The following LRRTM4 variants were observed in gnomAD, a reference collection of about 807,000 sequenced individuals.
LRRTM4 encodes the protein leucine-rich repeat transmembrane neuronal protein 4.
Under a neutral mutation model 47.6 loss-of-function variants are expected in LRRTM4, and 25 were observed. The ratio of observed to expected loss-of-function variants is 0.53; its 90% CI spans 0.38 to 0.73. LRRTM4 has a LOEUF of 0.73. Ranked by LOEUF, LRRTM4 falls within the 30% of genes least tolerant of loss-of-function variation. The pLI is 0.00. For missense variants in LRRTM4, 638 were observed against 713.4 expected (o/e 0.89, Z 1.20); for synonymous variants, 311 against 269.5 (o/e 1.15, Z -1.51).
Position 77,392,313 on chromosome 2 carries a change from C to T in LRRTM4, c.1551+126005G>A, listed in dbSNP as rs559331141. Among the ~76,000 whole-genome samples, 40 of 151,980 alleles carry T rather than the reference C, an allele frequency of 2.6e-4. No homozygotes were observed. In the South Asian group the frequency reaches 8.1e-3, roughly 31 times the overall value. On this transcript the variant is annotated intron_variant, in intron 3 of 3. Transcript: ENST00000409884. ...CCCACCCATCCCACTTTGAGATTTCCCACTAAAATGTACAAAACTAAACTG... is the reference window on the plus strand; with the variant it reads ...CCCACCCATCCCACTTTGAGATTTCTCACTAAAATGTACAAAACTAAACTG...
At chr2:77,119,836 A>C (rs967379456) in intron 3 of LRRTM4, among the ~76,000 whole-genome samples, 3 of 151,820 alleles carry the variant, frequency 2.0e-5, no homozygotes, top group Admixed American at 6.6e-5. Context: ...TACTCTTTAG[A>C]TCTGACTGGA....
At chr2:77,473,410 A>T (rs981478937) in intron 3 of LRRTM4, among the ~76,000 whole-genome samples, 5 of 152,162 alleles carry the variant, frequency 3.3e-5, no homozygotes, top group Non-Finnish European at 7.4e-5. Flanking sequence ...AATATCACTC[A>T]GGCACAAGAG....
At chr2:76,948,910 A>G (rs1177607501) in intron 3 of LRRTM4, among the ~76,000 whole-genome samples, 1 of 151,982 alleles carries the variant, frequency 6.6e-6, no homozygotes, top group Non-Finnish European at 1.5e-5. Context: ...GGTGGATTTC[A>G]TTTAAATATT....
intron 3 of LRRTM4, among the ~76,000 whole-genome samples, chr2:77,476,214 G>A (rs575963021): frequency 2.6e-5 from 4 of 152,096 alleles, no homozygotes; most frequent in South Asian, 2.1e-4. Flanking sequence ...GCAAAAGCGT[G>A]TCTTCTTAGT....
chr2:76,981,121 T>C (rs899027991), intron 3 of LRRTM4, among the ~76,000 whole-genome samples: 5 of 152,114 alleles, frequency 3.3e-5, no homozygotes, highest in African/African-American at 1.2e-4. Flanking sequence ...ATATAATCAT[T>C]TATCTTGTTG....
intron 3 of LRRTM4, among the ~76,000 whole-genome samples, chr2:77,203,451 T>G (rs1355150511): frequency 6.6e-6 from 1 of 152,108 alleles, no homozygotes; most frequent in Non-Finnish European, 1.5e-5. Context: ...GTCACTGGGC[T>G]TGTTTACTAC....
intron 3 of LRRTM4, among the ~76,000 whole-genome samples, chr2:76,890,685 A>G (rs1181004106): frequency 1.3e-5 from 2 of 152,020 alleles, no homozygotes; most frequent in Non-Finnish European, 2.9e-5. Context: ...GCAGCCAACT[A>G]AACTTTCCAA....
intron 3 of LRRTM4, among the ~76,000 whole-genome samples, chr2:77,504,318 C>T (rs1678686458): frequency 6.6e-6 from 1 of 151,296 alleles, no homozygotes; most frequent in Non-Finnish European, 1.5e-5. Context: ...ACCATATGGC[C>T]CATAAAGTCT....
intron 3 of LRRTM4, among the ~76,000 whole-genome samples, chr2:77,291,696 T>C (rs1676827310): frequency 6.6e-6 from 1 of 152,120 alleles, no homozygotes; most frequent in Admixed American, 6.6e-5. Context: ...CCATGGTCTG[T>C]ATTTTTTTAT....
At chr2:77,052,179 A>G (rs549301253) in intron 3 of LRRTM4, among the ~76,000 whole-genome samples, 11 of 110,300 alleles carry the variant, frequency 1.0e-4, no homozygotes, top group Non-Finnish European at 1.5e-4. Context: ...TTTTTGAGAC[A>G]GAGTTTTGCT....
At chr2:77,503,037 A>G (rs1436894168) in intron 3 of LRRTM4, among the ~76,000 whole-genome samples, 1 of 151,032 alleles carries the variant, frequency 6.6e-6, no homozygotes, top group African/African-American at 2.4e-5. Context: ...GGGCCAGGTC[A>G]TTCAGGGTTT....
chr2:77,364,234 AG>A (rs1426839940), intron 3 of LRRTM4, among the ~76,000 whole-genome samples: 1 of 152,126 alleles, frequency 6.6e-6, no homozygotes, highest in Non-Finnish European at 1.5e-5. Context: ...GTGGCTTCTG[AG>A]CACATGAATG....
chr2:77,241,676 A>C (rs570729946), intron 3 of LRRTM4, among the ~76,000 whole-genome samples: 1 of 152,154 alleles, frequency 6.6e-6, no homozygotes. Context: ...AGACACAGAT[A>C]AGGGGATTAG....
intron 3 of LRRTM4, among the ~76,000 whole-genome samples, chr2:77,170,753 A>G (rs1673024342): frequency 6.7e-6 from 1 of 150,332 alleles, no homozygotes; most frequent in South Asian, 2.1e-4. Flanking sequence ...TTTTATCACT[A>G]TATTTATAAA....
chr2:77,129,515 T>G (rs1671740228), intron 3 of LRRTM4, among the ~76,000 whole-genome samples: 1 of 152,226 alleles, frequency 6.6e-6, no homozygotes, highest in Non-Finnish European at 1.5e-5. Context: ...TATCAGAAAC[T>G]CTAAAAATAT....
intron 3 of LRRTM4, among the ~76,000 whole-genome samples, chr2:76,958,898 GGACTAGTTT>G (rs1331302818): frequency 6.6e-6 from 1 of 151,600 alleles, no homozygotes; most frequent in Admixed American, 6.6e-5. Flanking sequence ...GTATCTTGCT[GGACTAGTTT>G]TCCAGGCTTG....
At chr2:77,014,503 C>CATATATATATATATGTATATATAT (rs773267853) in intron 3 of LRRTM4, among the ~76,000 whole-genome samples, 1 of 139,058 alleles carries the variant, frequency 7.2e-6, no homozygotes, top group African/African-American at 2.5e-5. Context: ...TGTGCCCTTT[C>CATATATATATATATGTATATATAT]ATATATATAT....
intron 3 of LRRTM4, among the ~76,000 whole-genome samples, chr2:76,936,166 T>C (rs969556334): frequency 2.0e-5 from 3 of 152,220 alleles, no homozygotes; most frequent in Admixed American, 2.0e-4. Flanking sequence ...CTGTTCACAA[T>C]AGCAAAGACT....
chr2:76,984,485 A>G (rs6547108), intron 3 of LRRTM4, among the ~76,000 whole-genome samples: 52,947 of 151,742 alleles, frequency 0.35, 10,059 homozygotes, highest in East Asian at 0.58. Flanking sequence ...ATATGTATGC[A>G]TGGCCATGTA....
Sources: allele counts gnomAD v4.1 joint callset (sites outside exome capture counted in the v4.1 genomes callset), GRCh38; gene constraint gnomAD v4.1.1; transcripts MANE v1.5; gene names NCBI Gene and HGNC (gene_info 2026-07-23, HGNC 2026-07-21).